The following MOSPD2 variants were observed in gnomAD, a reference collection of about 807,000 sequenced individuals.
The protein encoded by MOSPD2 is motile sperm domain-containing protein 2.
A neutral mutation model predicts 41.7 loss-of-function variants in MOSPD2; 5 were observed. The ratio of observed to expected loss-of-function variants is 0.12; its 90% CI spans 0.06 to 0.25. The LOEUF (loss-of-function observed/expected upper bound fraction) is 0.25. Among genes scored for constraint, MOSPD2 ranks in the 10% least tolerant of loss-of-function variants. MOSPD2 has a pLI of 1.00. For missense variants in MOSPD2, 282 were observed against 375.2 expected, an observed-to-expected ratio of 0.75 and a Z score of 2.05; for synonymous variants, 115 against 126.9, an observed-to-expected ratio of 0.91 and a Z score of 0.63.
intron 1 of MOSPD2, 33 bp from the exon 2 acceptor site, chrX:14,873,656 A>G: frequency 2.5e-6 from 3 of 1,200,293 alleles, no homozygotes; most frequent in Non-Finnish European, 3.4e-6. Context: ...TGATGCAAGT[A>G]GTATCTAAGG....
In MOSPD2 at chrX:14,915,757, C is replaced by G. The variant is rs35055486; in HGVS notation, c.1179C>G (p.Pro393=). The change falls in exon 12 of 15, where the codon CCC becomes CCG. Residue 393 remains proline (P), a synonymous_variant. Coordinates refer to ENST00000380492, the MANE Select transcript of MOSPD2 (RefSeq NM_152581.4). ...CATCAGTGGATATAGTTGTGTCTCC[C>G]CATGGGGGTGAGTTGTCACTTAGTA... ...PGASVDIVVS[P]HGGLTVSAQD... 1 of 1,202,428 alleles carries G rather than the reference C, an allele frequency of 8.3e-7. No homozygotes were observed. Among genetic ancestry groups the G allele is most frequent in the African/African-American group, 1.7e-5 (1 of 57,374 alleles).
chrX:14,913,478 AGTT>A (rs777515369), intron 10 of MOSPD2, among the ~76,000 whole-genome samples: 1 of 111,772 alleles, frequency 8.9e-6, no homozygotes, highest in Non-Finnish European at 1.9e-5. Flanking sequence ...AGCTGCTCAC[AGTT>A]GTTGTGCTGG....
intron 2 of MOSPD2, among the ~76,000 whole-genome samples, chrX:14,879,935 G>A (rs1306712299): frequency 9.1e-6 from 1 of 110,063 alleles, no homozygotes; most frequent in African/African-American, 3.3e-5. Context: ...TACCTTTATG[G>A]GACCTTTGGT....
chrX:14,897,743 A>T (rs141262299), intron 5 of MOSPD2, among the ~76,000 whole-genome samples: 5,535 of 111,145 alleles, frequency 0.05, 146 homozygotes, highest in Non-Finnish European at 0.078. Flanking sequence ...GCTTGTTTGG[A>T]TTTGTTTTCT....
intron 7 of MOSPD2, among the ~76,000 whole-genome samples, chrX:14,907,494 A>G (rs186344334): frequency 8.9e-6 from 1 of 112,599 alleles, no homozygotes; most frequent in South Asian, 3.6e-4. Context: ...CAAATATTGC[A>G]TATCTATAAA....
intron 2 of MOSPD2, among the ~76,000 whole-genome samples, chrX:14,884,675 G>A (rs1306091242): frequency 9.0e-6 from 1 of 111,544 alleles, no homozygotes; most frequent in African/African-American, 3.3e-5. Flanking sequence ...TTAACTGCAT[G>A]CAGTCTAAAA....
chrX:14,901,992 A>G (rs1483319250), intron 6 of MOSPD2, among the ~76,000 whole-genome samples: 1 of 110,019 alleles, frequency 9.1e-6, no homozygotes, highest in African/African-American at 3.3e-5. Context: ...ACACACACAC[A>G]TATATATATA....
rs1027350868 is a variant in MOSPD2 at position 14,902,883 on chromosome X, G to A, written c.539-83G>A. On this transcript the variant is annotated intron_variant, in intron 6 of 14. Coordinates refer to ENST00000380492, the MANE Select transcript of MOSPD2 (RefSeq NM_152581.4). ...GCTCAGTTTTTACTTAAATTTAGAT[G>A]ACCAGTTTTTTCTAGGCTGGTATGA... 3 of 665,931 alleles carry A rather than the reference G, an allele frequency of 4.5e-6. No individual in the cohort carries two copies. The African/African-American group carries it at 6.6e-5, about 15-fold the overall frequency. The allele number at this position is 665,931 out of a possible 1,213,427, so 54.9% of individuals were successfully genotyped here. A position where few individuals can be genotyped will look rare whatever the true frequency, so the allele number is the denominator to read the frequency against.
chrX:14,900,547 A>G, intron 5 of MOSPD2, 28 bp from the exon 6 acceptor site: 1 of 884,466 alleles, frequency 1.1e-6, no homozygotes, highest in Non-Finnish European at 1.6e-6. Flanking sequence ...TAATGTGGAC[A>G]GTCTTAAAGA....
chrX:14,893,295 G>A (rs1274255823), intron 3 of MOSPD2: 1 of 113,190 alleles, frequency 8.8e-6, no homozygotes, highest in Non-Finnish European at 1.8e-5. Flanking sequence ...ATATAGAATT[G>A]TTAAATGAAT....
In MOSPD2 at chrX:14,908,951, T is replaced by C; in HGVS notation, c.669T>C (p.Ser223=). The C allele has an allele frequency of 8.5e-7, 1 of 1,176,245 alleles. No homozygotes were observed. The highest frequency in any genetic ancestry group is 1.1e-6 in the Non-Finnish European group (1 of 871,615). ...TSKNEVQDYV[S]VEYLPPHMGG... The stretch of plus-strand genomic sequence containing the variant: ...AAAATGAAGTCCAGGACTATGTCAG[T>C]GTAGAATACCTGCCTCCCCACATGG... Residue 223 remains serine (S), a synonymous_variant, in exon 8 of 15, where the codon AGT becomes AGC. Coordinates refer to ENST00000380492, the MANE Select transcript of MOSPD2 (RefSeq NM_152581.4).
chrX:14,916,618 G>C (rs541361462), intron 13 of MOSPD2, among the ~76,000 whole-genome samples: 1 of 111,790 alleles, frequency 8.9e-6, no homozygotes, highest in African/African-American at 3.3e-5. Flanking sequence ...GTTTTTTGCA[G>C]CATTGTTTGT....
At chrX:14,874,457 T>C (rs888856159) in intron 2 of MOSPD2, 1 of 112,291 alleles carries the variant, frequency 8.9e-6, no homozygotes, top group Non-Finnish European at 1.9e-5. Context: ...GTTGCCTACC[T>C]TAAGATTGAT....
chrX:14,912,428 A>G, intron 10 of MOSPD2, 67 bp downstream of exon 10: 1 of 687,311 alleles, frequency 1.5e-6, no homozygotes, highest in South Asian at 4.3e-5. Flanking sequence ...GGGAGCCACA[A>G]AATTAAGAAA....
chrX:14,916,849 TTGCATATATAGATATATACATGTATG>T (rs1198693005), intron 13 of MOSPD2, among the ~76,000 whole-genome samples: 2 of 112,194 alleles, frequency 1.8e-5, no homozygotes, highest in Non-Finnish European at 3.8e-5. Flanking sequence ...GGGGAAAAAC[TTGCATATATAGATATATACATGTATG>T]TGCATGTATA....
At chrX:14,903,959 C>A (rs1280016753) in intron 7 of MOSPD2, among the ~76,000 whole-genome samples, 1 of 111,476 alleles carries the variant, frequency 9.0e-6, no homozygotes, top group Non-Finnish European at 1.9e-5. Flanking sequence ...GAAACTAATT[C>A]AAGAAGAATC....
At chrX:14,903,365 A>G (rs762999546) in intron 7 of MOSPD2, among the ~76,000 whole-genome samples, 1 of 111,040 alleles carries the variant, frequency 9.0e-6, no homozygotes, top group South Asian at 3.8e-4. Flanking sequence ...AAAATTAACA[A>G]CAGCCTCAAA....
chrX:14,883,585 C>A (rs1196782307), intron 2 of MOSPD2, among the ~76,000 whole-genome samples: 10 of 111,955 alleles, frequency 8.9e-5, no homozygotes, highest in African/African-American at 3.2e-4. Flanking sequence ...GATACTAGTA[C>A]TTACTAGCTG....
chrX:14,902,982 T>G lies in MOSPD2; in HGVS notation c.555T>G (p.Phe185Leu). Residue 185 changes from phenylalanine to leucine, a missense_variant, in exon 7 of 15, where the codon TTT (phenylalanine) becomes TTG (leucine). This residue lies in a region of MOSPD2 where 187 missense variants were observed against 256.6 expected (regional missense o/e 0.73). Coordinates refer to ENST00000380492, the MANE Select transcript of MOSPD2 (RefSeq NM_152581.4). ...ATCTTTCAGCAAAAATAGTGATCTT[T>G]GATATGCCTTGGTTAATGAATGGTG... Reference protein sequence around the residue: ...YPKYLSKIVIFDMPWLMNAAF... With the variant: ...YPKYLSKIVILDMPWLMNAAF... 2.6e-6 allele frequency: 3 copies of G among 1,158,571 alleles called. No homozygotes were observed. The highest frequency in any genetic ancestry group is 3.5e-6 in the Non-Finnish European group (3 of 848,017).
Sources: gnomAD v4.1 joint callset for allele counts (sites outside exome capture counted in the v4.1 genomes callset) on GRCh38, gnomAD v4.1.1 for gene constraint, gnomAD v4.1.1 regional missense constraint, MANE v1.5 for transcripts, NCBI Gene and HGNC (gene_info 2026-07-23, HGNC 2026-07-21) for gene names.